The following SSBP2 variants were observed in gnomAD, a reference collection of about 807,000 sequenced individuals.
SSBP2 encodes single-stranded DNA-binding protein 2.
Under a neutral mutation model 61.8 loss-of-function variants are expected in SSBP2, and 17 were observed. That is an observed-to-expected ratio of 0.28 (90% confidence interval 0.19 to 0.41). The LOEUF (loss-of-function observed/expected upper bound fraction) is 0.41, where lower values mean the gene tolerates loss of function less well. SSBP2 is among the 10% of genes least tolerant of loss of function. The probability of loss-of-function intolerance (pLI) is 1.00; values close to 1 mark genes in which losing one functional copy is unlikely to be tolerated. For synonymous variants in SSBP2, 139 were observed against 141.3 expected (o/e 0.98, Z 0.12); for missense variants, 310 against 458.7 (o/e 0.68, Z 2.96).
intron 1 of SSBP2, among the ~76,000 whole-genome samples, chr5:81,750,005 T>C (rs1331343544): frequency 7.0e-6 from 1 of 143,654 alleles, no homozygotes. Flanking sequence ...CTCCCACAAC[T>C]CCCCTCCGCG....
intron 1 of SSBP2, among the ~76,000 whole-genome samples, chr5:81,750,286 G>A (rs1235359867): frequency 3.5e-5 from 5 of 144,342 alleles, no homozygotes; most frequent in South Asian, 2.2e-4. Flanking sequence ...GATGCGCGGG[G>A]GACTGCGGGC....
intron 4 of SSBP2, among the ~76,000 whole-genome samples, chr5:81,586,553 C>T (rs887836612): frequency 6.7e-6 from 1 of 149,346 alleles, no homozygotes; most frequent in Non-Finnish European, 1.5e-5. Context: ...GGAAACATTC[C>T]AGTTCTGTAT....
intron 3 of SSBP2, among the ~76,000 whole-genome samples, chr5:81,626,603 T>C (rs949349029): frequency 1.3e-5 from 2 of 152,214 alleles, no homozygotes; most frequent in Admixed American, 6.5e-5. Context: ...TGGATATCTG[T>C]ACCAGATAAG....
At chr5:81,675,956 A>C (rs585558) in intron 1 of SSBP2, among the ~76,000 whole-genome samples, 49,595 of 152,024 alleles carry the variant, frequency 0.33, 8,585 homozygotes, top group Middle Eastern at 0.56. Context: ...CCACTACGTC[A>C]GTCAATAGAA....
intron 1 of SSBP2, among the ~76,000 whole-genome samples, chr5:81,691,065 G>A (rs535749808): frequency 1.3e-4 from 20 of 152,038 alleles, no homozygotes; most frequent in East Asian, 1.2e-3. Context: ...GGGATACAGC[G>A]AAAGCCATTC....
At chr5:81,698,933 C>A (rs1322346204) in intron 1 of SSBP2, among the ~76,000 whole-genome samples, 1 of 152,190 alleles carries the variant, frequency 6.6e-6, no homozygotes, top group African/African-American at 2.4e-5. Flanking sequence ...CTTTATTAAG[C>A]AACTGCAGGC....
chr5:81,462,598 TGGA>T (rs1390663312), intron 9 of SSBP2, among the ~76,000 whole-genome samples: 1 of 152,164 alleles, frequency 6.6e-6, no homozygotes, highest in African/African-American at 2.4e-5. Flanking sequence ...AAGATGATGA[TGGA>T]GATGATGATT....
intron 4 of SSBP2, among the ~76,000 whole-genome samples, chr5:81,569,341 A>T (rs1033219223): frequency 2.0e-5 from 3 of 152,170 alleles, no homozygotes; most frequent in African/African-American, 7.2e-5. Flanking sequence ...ATAAGCTTTA[A>T]GCTAGGTTAT....
chr5:81,715,948 C>A (rs1443016264), intron 1 of SSBP2, among the ~76,000 whole-genome samples: 2 of 152,016 alleles, frequency 1.3e-5, no homozygotes, highest in Non-Finnish European at 2.9e-5. Flanking sequence ...GTCCCAGCTA[C>A]TTGGGAGGCT....
At chr5:81,548,220 T>C (rs1008301948) in intron 4 of SSBP2, among the ~76,000 whole-genome samples, 1 of 152,166 alleles carries the variant, frequency 6.6e-6, no homozygotes, top group Admixed American at 6.5e-5. Flanking sequence ...ACATAATGTA[T>C]ACTGCATATT....
chr5:81,747,204 T>C (rs1432037631), intron 1 of SSBP2, among the ~76,000 whole-genome samples: 1 of 152,202 alleles, frequency 6.6e-6, no homozygotes, highest in Non-Finnish European at 1.5e-5. Context: ...TATGTAATGC[T>C]GTTCCCTAAA....
intron 1 of SSBP2, among the ~76,000 whole-genome samples, chr5:81,717,827 T>A (rs1321456707): frequency 6.6e-6 from 1 of 152,192 alleles, no homozygotes; most frequent in East Asian, 1.9e-4. Context: ...TTCTGGCATT[T>A]TATCTCTCCA....
intron 1 of SSBP2, among the ~76,000 whole-genome samples, chr5:81,739,963 T>A (rs1248272907): frequency 6.6e-6 from 1 of 152,182 alleles, no homozygotes; most frequent in African/African-American, 2.4e-5. Context: ...TGCTATGTTA[T>A]CTTGTCAATG....
In SSBP2 at chr5:81,418,546, A is replaced by T. The variant is rs1172082547; in HGVS notation, c.*1958T>A. On this transcript the variant is annotated 3_prime_UTR_variant, in exon 17 of 17. Transcript: ENST00000320672. Reference sequence around the variant, plus strand: ...ATATGTTACTTAATGATAAGTATACATTCTGAGAAATGCATTGTCAGGCAA... The same window carrying T: ...ATATGTTACTTAATGATAAGTATACTTTCTGAGAAATGCATTGTCAGGCAA... The T allele has an allele frequency of 6.6e-6, 1 of 152,236 alleles. No homozygotes were observed. The highest frequency in any genetic ancestry group is 1.5e-5 in the Non-Finnish European group (1 of 68,046). The allele number at this position is 152,236 out of a possible 1,614,324, so 9.4% of individuals were successfully genotyped here. A position where few individuals can be genotyped will look rare whatever the true frequency, so the allele number is the denominator to read the frequency against.
At chr5:81,607,012 T>G (rs946796947) in intron 4 of SSBP2, among the ~76,000 whole-genome samples, 1 of 152,208 alleles carries the variant, frequency 6.6e-6, no homozygotes, top group Non-Finnish European at 1.5e-5. Context: ...AATATCCCCA[T>G]AGTTTCTAAT....
intron 10 of SSBP2, among the ~76,000 whole-genome samples, chr5:81,458,290 G>A (rs1764304380): frequency 6.6e-6 from 1 of 152,158 alleles, no homozygotes. Context: ...CATTACATCA[G>A]AATTGATTTC....
chr5:81,483,177 T>C (rs760698036), intron 6 of SSBP2, among the ~76,000 whole-genome samples: 5 of 152,100 alleles, frequency 3.3e-5, no homozygotes, highest in Non-Finnish European at 7.4e-5. Flanking sequence ...GTAAGAGATA[T>C]AATGAAAAAA....
intron 4 of SSBP2, among the ~76,000 whole-genome samples, chr5:81,545,199 A>G (rs1034719461): frequency 6.6e-6 from 1 of 152,204 alleles, no homozygotes; most frequent in East Asian, 1.9e-4. Flanking sequence ...ACATAACTAT[A>G]TATGTATGCA....
At chr5:81,643,904 A>C (rs887948524) in intron 2 of SSBP2, among the ~76,000 whole-genome samples, 1 of 152,126 alleles carries the variant, frequency 6.6e-6, no homozygotes, top group Non-Finnish European at 1.5e-5. Flanking sequence ...CGCCTGGCCC[A>C]AATTTTTACA....
Sources: gnomAD v4.1 joint callset for allele counts (sites outside exome capture counted in the v4.1 genomes callset) on GRCh38, gnomAD v4.1.1 for gene constraint, MANE v1.5 for transcripts, NCBI Gene and HGNC (gene_info 2026-07-23, HGNC 2026-07-21) for gene names.